The following PHF2 variants were observed in gnomAD, a reference collection of about 807,000 sequenced individuals.
PHF2 encodes the protein lysine-specific demethylase PHF2.
In PHF2, 27 loss-of-function variants were observed where a neutral mutation model predicts 120.5. That is an observed-to-expected ratio of 0.22 (90% confidence interval 0.17 to 0.31). The LOEUF (loss-of-function observed/expected upper bound fraction) is 0.31. Among genes scored for constraint, PHF2 ranks in the 10% least tolerant of loss-of-function variants. The probability of loss-of-function intolerance (pLI) is 1.00; values close to 1 mark genes in which losing one functional copy is unlikely to be tolerated. For synonymous variants in PHF2, 568 were observed against 592.5 expected, an observed-to-expected ratio of 0.96 and a Z score of 0.60; for missense variants, 1,024 against 1,434.8, an observed-to-expected ratio of 0.71 and a Z score of 4.63.
intron 1 of PHF2, among the ~76,000 whole-genome samples, chr9:93,622,221 G>T: frequency 6.6e-6 from 1 of 152,206 alleles, no homozygotes; most frequent in East Asian, 1.9e-4. Context: ...GGGGCCTCAT[G>T]TGGGCTTCAG....
intron 12 of PHF2, among the ~76,000 whole-genome samples, chr9:93,661,500 T>C (rs543485542): frequency 1.3e-5 from 2 of 152,294 alleles, no homozygotes; most frequent in East Asian, 1.9e-4. Context: ...GATAGATGGA[T>C]GGTTGAATGG....
intron 1 of PHF2, among the ~76,000 whole-genome samples, chr9:93,598,387 C>A (rs1164733408): frequency 6.6e-6 from 1 of 152,192 alleles, no homozygotes; most frequent in African/African-American, 2.4e-5. Context: ...CAGAGGATGG[C>A]AGTCCAGAGG....
At chr9:93,639,810 A>G (rs1826147877) in intron 3 of PHF2, among the ~76,000 whole-genome samples, 1 of 152,224 alleles carries the variant, frequency 6.6e-6, no homozygotes, top group Non-Finnish European at 1.5e-5. Context: ...TGCTCTCCCA[A>G]GAAGAAAGCT....
At chr9:93,595,700 G>T (rs1348703186) in intron 1 of PHF2, among the ~76,000 whole-genome samples, 1 of 152,240 alleles carries the variant, frequency 6.6e-6, no homozygotes, top group East Asian at 1.9e-4. Context: ...GGGCATATGT[G>T]TGTATACATA....
intron 17 of PHF2, among the ~76,000 whole-genome samples, chr9:93,670,634 A>G (rs560979868): frequency 1.4e-3 from 209 of 152,314 alleles, no homozygotes; most frequent in African/African-American, 4.5e-3. Context: ...CAAGGAGCCC[A>G]GGACTTGGCC....
chr9:93,635,156 T>A (rs759488815), intron 2 of PHF2, among the ~76,000 whole-genome samples: 13 of 152,178 alleles, frequency 8.5e-5, no homozygotes, highest in South Asian at 2.1e-4. Context: ...TAATGTCCAC[T>A]TGAATTGTGG....
chr9:93,616,349 A>G (rs1422531913), intron 1 of PHF2, among the ~76,000 whole-genome samples: 2 of 152,186 alleles, frequency 1.3e-5, no homozygotes, highest in Non-Finnish European at 2.9e-5. Context: ...AAAGCTTTTG[A>G]TACATACAGC....
intron 1 of PHF2, among the ~76,000 whole-genome samples, chr9:93,615,067 G>T (rs746114723): frequency 6.0e-5 from 9 of 151,082 alleles, no homozygotes; most frequent in Non-Finnish European, 1.3e-4. Context: ...GATGGTGACA[G>T]TGATGGTGGT....
intron 1 of PHF2, among the ~76,000 whole-genome samples, chr9:93,607,945 G>C (rs527974319): frequency 1.4e-5 from 2 of 145,734 alleles, no homozygotes; most frequent in African/African-American, 5.0e-5. Context: ...AGAGATGAGA[G>C]AGAGAGAGAG....
rs57656509 is a variant in PHF2, at chr9:93,594,186, A to AC, written c.98+17326dup. Reference sequence around the variant, plus strand: ...CCGGCACACCCCCTCTTCTCATGTGACCCCCCCCCCCTCCATTAATGCACA... The same window carrying AC: ...CCGGCACACCCCCTCTTCTCATGTGACCCCCCCCCCCCTCCATTAATGCACA... On this transcript the variant is annotated intron_variant, in intron 1 of 21. Transcript: ENST00000359246. Among the ~76,000 whole-genome samples, 1,138 of 140,182 alleles carry AC rather than the reference A, an allele frequency of 8.1e-3. 9 individuals are homozygous for AC. The highest frequency in any genetic ancestry group is 0.023 in the African/African-American group (872 of 37,338). 92.0% of individuals were successfully genotyped at this position (140,182 alleles called of 152,430 possible).
At chr9:93,583,879 A>G (rs1256587716) in intron 1 of PHF2, among the ~76,000 whole-genome samples, 4 of 139,342 alleles carry the variant, frequency 2.9e-5, no homozygotes, top group South Asian at 4.4e-4. Context: ...CCCAGGCTGC[A>G]GTACAATGGC....
At chr9:93,636,265 G>T (rs1023894888) in intron 2 of PHF2, 146 bp from the exon 3 acceptor site, 4 of 622,774 alleles carry the variant, frequency 6.4e-6, no homozygotes, top group Non-Finnish European at 1.1e-5. Context: ...CAGGGTGGGG[G>T]TGTCATCAGT....
intron 1 of PHF2, among the ~76,000 whole-genome samples, chr9:93,594,441 G>A (rs1472834905): frequency 6.6e-6 from 1 of 152,188 alleles, no homozygotes; most frequent in Non-Finnish European, 1.5e-5. Flanking sequence ...TCAGGGATGG[G>A]CCTCCCATGG....
At chr9:93,659,884 C>A (rs1053144670) in intron 11 of PHF2, among the ~76,000 whole-genome samples, 3 of 152,196 alleles carry the variant, frequency 2.0e-5, no homozygotes, top group Non-Finnish European at 4.4e-5. Flanking sequence ...GGGAGGAGCC[C>A]CTGACTCAGC....
intron 1 of PHF2, among the ~76,000 whole-genome samples, chr9:93,592,280 G>T (rs1461407551): frequency 1.3e-5 from 2 of 152,112 alleles, no homozygotes; most frequent in Non-Finnish European, 2.9e-5. Context: ...GGGGCTGCTG[G>T]TCCCCACTGT....
rs1270115644 is a variant in PHF2, at chr9:93,596,295, A to G, written c.98+19424A>G. Among the ~76,000 whole-genome samples the G allele has an allele frequency of 5.9e-5, 9 of 152,210 alleles. No homozygotes were observed. In the South Asian group the frequency reaches 1.9e-3, roughly 32 times the overall value. On this transcript the variant is annotated intron_variant, in intron 1 of 21. Transcript: ENST00000359246. Reference sequence around the variant, plus strand: ...GATGGCAGCTGGAGGAGTGGAGCTGACTGAAGCTTCATTGGGGCCCCTGCA... The same window carrying G: ...GATGGCAGCTGGAGGAGTGGAGCTGGCTGAAGCTTCATTGGGGCCCCTGCA...
In PHF2 at chr9:93,659,384, T is replaced by C. The variant is rs1486714960; in HGVS notation, c.1240-127T>C. 4 of 710,534 alleles carry C rather than the reference T, an allele frequency of 5.6e-6. No individual in the cohort carries two copies. In the East Asian group the frequency reaches 8.1e-5, roughly 14 times the overall value. The allele number at this position is 710,534 out of a possible 1,614,324, so 44.0% of individuals were successfully genotyped here. On this transcript the variant is annotated intron_variant, in intron 10 of 21. Transcript: ENST00000359246. ...ACCTCTTGCCAGGGCAGAGTTTGGC[T>C]CGGAAGCCCCTCGCCTCATGCTCAT...
rs998819814 is a variant in PHF2 at position 93,677,521 on chromosome 9, C to A, written c.3203-67C>A. 3 of 1,207,300 alleles carry A rather than the reference C, an allele frequency of 2.5e-6. No individual in the cohort carries two copies. The highest frequency in any genetic ancestry group is 3.7e-6 in the Non-Finnish European group (3 of 821,492). 74.8% of individuals were successfully genotyped at this position (1,207,300 alleles called of 1,614,324 possible). On this transcript the variant is annotated intron_variant, in intron 21 of 21. Transcript: ENST00000359246. The surrounding 1 kb of genome is among the most constrained non-coding windows in gnomAD (Gnocchi z 4.4). ...GTGTCAGCGGGACCCTCCCCCCCACCGGCATGCCACGCCCCTTGCCATCTA... is the reference window on the plus strand; with the variant it reads ...GTGTCAGCGGGACCCTCCCCCCCACAGGCATGCCACGCCCCTTGCCATCTA...
At chr9:93,664,957 G>A (rs1427926117) in intron 14 of PHF2, among the ~76,000 whole-genome samples, 1 of 152,234 alleles carries the variant, frequency 6.6e-6, no homozygotes, top group Non-Finnish European at 1.5e-5. Flanking sequence ...CAGAATTGGA[G>A]CTGTGTCTGT....
Sources: gnomAD v4.1 joint callset for allele counts (sites outside exome capture counted in the v4.1 genomes callset) on GRCh38, gnomAD v4.1.1 for gene constraint, Gnocchi (gnomAD v3.1) non-coding constraint, MANE v1.5 for transcripts, NCBI Gene and HGNC (gene_info 2026-07-23, HGNC 2026-07-21) for gene names.